Variants in ERICH1 observed in about 807,000 individuals in gnomAD.
ERICH1 encodes glutamate-rich protein 1.
ERICH1 carries 56 observed loss-of-function variants against 39.6 expected under a neutral mutation model. The observed-to-expected ratio is 1.41, with a 90% CI of 1.14 to 1.77. The LOEUF (loss-of-function observed/expected upper bound fraction) is 1.77. Among genes scored for constraint, ERICH1 ranks in the 40% most tolerant of loss-of-function variants. The probability of loss-of-function intolerance (pLI) is 0.00; values close to 1 mark genes in which losing one functional copy is unlikely to be tolerated. For missense variants in ERICH1, 826 were observed against 575.4 expected (o/e 1.44, Z -4.45); for synonymous variants, 313 against 223.6 (o/e 1.40, Z -3.57).
At chr8:666,341 A>T (rs947350126) in intron 5 of ERICH1, 6 of 152,262 alleles carry the variant, frequency 3.9e-5, no homozygotes, top group Admixed American at 2.0e-4. Flanking sequence ...ATCTCCTATC[A>T]GTTTAACATA....
At chr8:632,513 T>C (rs1309344191) in intron 3 of ERICH1, among the ~76,000 whole-genome samples, 2 of 152,212 alleles carry the variant, frequency 1.3e-5, no homozygotes, top group Non-Finnish European at 2.9e-5. Flanking sequence ...AACAAATTTA[T>C]GAACATTGTT....
At chr8:676,617 G>A (rs1403317405) in intron 3 of ERICH1, among the ~76,000 whole-genome samples, 3 of 152,186 alleles carry the variant, frequency 2.0e-5, no homozygotes, top group South Asian at 2.1e-4. Flanking sequence ...GGAACAGAGG[G>A]TGTGTGCAGG....
At chr8:680,842 C>T (rs1805959799) in intron 3 of ERICH1, among the ~76,000 whole-genome samples, 1 of 152,242 alleles carries the variant, frequency 6.6e-6, no homozygotes, top group Non-Finnish European at 1.5e-5. Flanking sequence ...GTTCCACACA[C>T]CACCTGGCCC....
At chr8:632,665 A>C (rs1798117384) in intron 3 of ERICH1, among the ~76,000 whole-genome samples, 1 of 152,252 alleles carries the variant, frequency 6.6e-6, no homozygotes, top group Non-Finnish European at 1.5e-5. Context: ...AACAGGAAGC[A>C]GGAGTGGCCA....
intron 2 of ERICH1, among the ~76,000 whole-genome samples, chr8:712,750 G>A (rs1022831559): frequency 6.6e-6 from 1 of 152,210 alleles, no homozygotes; most frequent in Non-Finnish European, 1.5e-5. Flanking sequence ...CTGACATATA[G>A]GAAAGCAGTT....
chr8:680,872 G>A (rs1381225283), intron 3 of ERICH1, among the ~76,000 whole-genome samples: 1 of 152,220 alleles, frequency 6.6e-6, no homozygotes, highest in African/African-American at 2.4e-5. Context: ...GAGTCCTGGG[G>A]TCTGTGAGCA....
Position 713,179 on chromosome 8 carries a change from C to T in ERICH1, c.169+2682G>A, listed in dbSNP as rs144195497. On this transcript the variant is annotated intron_variant, in intron 2 of 5. Transcript: ENST00000262109. ...AATACTGGATTAGGGTGCACCCTGA[C>T]GACTTCATTGACCCTTAATCAACTT... is the stretch of plus-strand genomic sequence containing the variant. 9.8e-3 allele frequency among the ~76,000 whole-genome samples: 1,495 copies of T among 152,344 alleles called. 30 individuals are homozygous for T. The highest frequency in any genetic ancestry group is 0.034 in the African/African-American group (1,405 of 41,570).
chr8:695,533 TCC>T (rs1809977178), intron 2 of ERICH1, among the ~76,000 whole-genome samples: 1 of 123,956 alleles, frequency 8.1e-6, no homozygotes, highest in Non-Finnish European at 1.8e-5. Context: ...CTGTGCTTGC[TCC>T]TCTCGCCCTC....
At chr8:709,244 G>C (rs896892480) in intron 2 of ERICH1, among the ~76,000 whole-genome samples, 1 of 152,142 alleles carries the variant, frequency 6.6e-6, no homozygotes, top group Non-Finnish European at 1.5e-5. Flanking sequence ...TAATTGAAGG[G>C]TCTAAATTGT....
intron 3 of ERICH1, among the ~76,000 whole-genome samples, chr8:630,509 A>G (rs1797943360): frequency 8.1e-6 from 1 of 123,666 alleles, no homozygotes; most frequent in African/African-American, 3.4e-5. Context: ...ACCCACACAG[A>G]CAGAGCTGAC....
intron 3 of ERICH1, among the ~76,000 whole-genome samples, chr8:622,167 G>A (rs545510189): frequency 3.0e-4 from 46 of 152,274 alleles, no homozygotes; most frequent in South Asian, 2.9e-3. Flanking sequence ...GATTACAGTG[G>A]CCTAAGATTG....
chr8:643,641 T>C (rs1669715), intron 3 of ERICH1, among the ~76,000 whole-genome samples: 137,598 of 152,110 alleles, frequency 0.9, 62,323 homozygotes, highest in South Asian at 0.95. Flanking sequence ...GACTTGGTGT[T>C]CATGTCTGTG....
chr8:682,409 G>A (rs961063891), intron 3 of ERICH1, among the ~76,000 whole-genome samples: 65 of 152,214 alleles, frequency 4.3e-4, no homozygotes, highest in African/African-American at 1.5e-3. Context: ...ATGCTCTGGC[G>A]TCCTGGTGGC....
downstream of ERICH1, among the ~76,000 whole-genome samples, chr8:663,908 C>T (rs1411776998): frequency 1.3e-5 from 2 of 151,890 alleles, no homozygotes; most frequent in Admixed American, 1.3e-4. Context: ...TACAGGCGCC[C>T]GCCACCACGC....
At chr8:628,366 A>G (rs1207867194) in intron 3 of ERICH1, among the ~76,000 whole-genome samples, 2 of 152,212 alleles carry the variant, frequency 1.3e-5, no homozygotes, top group African/African-American at 4.8e-5. Context: ...AAGTTTGGTC[A>G]TAACTTTTGG....
intron 3 of ERICH1, among the ~76,000 whole-genome samples, chr8:683,460 A>C (rs955371479): frequency 6.6e-6 from 1 of 152,190 alleles, no homozygotes; most frequent in African/African-American, 2.4e-5. Flanking sequence ...CCCTCGGAAT[A>C]AAGAGGACTT....
chr8:681,603 T>G (rs187063939), intron 3 of ERICH1, among the ~76,000 whole-genome samples: 2 of 152,316 alleles, frequency 1.3e-5, no homozygotes, highest in East Asian at 1.9e-4. Flanking sequence ...CTGGAGGTCT[T>G]GCCACCAGAA....
At chr8:712,945 G>A (rs1027224530) in intron 2 of ERICH1, among the ~76,000 whole-genome samples, 2 of 152,202 alleles carry the variant, frequency 1.3e-5, no homozygotes, top group Admixed American at 6.5e-5. Flanking sequence ...GCTTTCTAGG[G>A]CTGCCACTAC....
chr8:725,672 C>T (rs12680173), intron 1 of ERICH1: 1 of 152,994 alleles, frequency 6.5e-6, no homozygotes, highest in East Asian at 1.9e-4. Flanking sequence ...TACCGCATCT[C>T]TTCATCCCCA....
Sources: gnomAD v4.1 joint callset for allele counts (sites outside exome capture counted in the v4.1 genomes callset) on GRCh38, gnomAD v4.1.1 for gene constraint, MANE v1.5 for transcripts, NCBI Gene and HGNC (gene_info 2026-07-23, HGNC 2026-07-21) for gene names.